The following JARID2 variants were observed in gnomAD, a reference collection of about 807,000 sequenced individuals.
The protein encoded by JARID2 is protein Jumonji.
Under a neutral mutation model 125.6 loss-of-function variants are expected in JARID2, and 21 were observed. The ratio of observed to expected loss-of-function variants is 0.17; its 90% CI spans 0.12 to 0.24. JARID2 has a LOEUF of 0.24. Among genes scored for constraint, JARID2 ranks in the 10% least tolerant of loss-of-function variants. The pLI, the probability that JARID2 is intolerant of heterozygous loss-of-function variation, is 1.00. For missense variants in JARID2, 1,303 were observed against 1,639.6 expected, an observed-to-expected ratio of 0.79 and a Z score of 3.55; for synonymous variants, 736 against 661.6, an observed-to-expected ratio of 1.11 and a Z score of -1.73.
chr6:15,480,039 C>T (rs2127703120), intron 5 of JARID2, among the ~76,000 whole-genome samples: 1 of 152,308 alleles, frequency 6.6e-6, no homozygotes, highest in Non-Finnish European at 1.5e-5. Context: ...GTGTCTTGCC[C>T]AAGGAAGGGA....
At chr6:15,504,376 A>G (rs1199664961) in intron 8 of JARID2, 124 bp from the exon 9 acceptor site, 11 of 694,100 alleles carry the variant, frequency 1.6e-5, no homozygotes, top group Non-Finnish European at 2.3e-5. Context: ...ATTAACTCAG[A>G]ATACAAGGTG....
intron 1 of JARID2, among the ~76,000 whole-genome samples, chr6:15,366,780 AAG>A (rs1365129112): frequency 6.6e-6 from 1 of 151,890 alleles, no homozygotes; most frequent in African/African-American, 2.4e-5. Flanking sequence ...CACCTTCCGT[AAG>A]TGCACCTAGG....
chr6:15,355,595 A>G (rs1210281143), intron 1 of JARID2, among the ~76,000 whole-genome samples: 1 of 148,942 alleles, frequency 6.7e-6, no homozygotes, highest in Non-Finnish European at 1.5e-5. Context: ...TCCTTAGTGC[A>G]TTCCTTCCTT....
At chr6:15,376,729 AATC>A (rs2127520069) in intron 2 of JARID2, among the ~76,000 whole-genome samples, 1 of 152,324 alleles carries the variant, frequency 6.6e-6, no homozygotes, top group South Asian at 2.1e-4. Flanking sequence ...CTCTTTAAAA[AATC>A]ATTATTTTCA....
intron 3 of JARID2, among the ~76,000 whole-genome samples, chr6:15,425,757 TAGA>T (rs1189606730): frequency 6.6e-6 from 1 of 152,228 alleles, no homozygotes. Flanking sequence ...CATTCTGTAA[TAGA>T]AGCCTCAAAT....
intron 4 of JARID2, among the ~76,000 whole-genome samples, chr6:15,456,382 ATAAT>A (rs1174374416): frequency 6.6e-6 from 1 of 152,246 alleles, no homozygotes; most frequent in Non-Finnish European, 1.5e-5. Context: ...AAAGGCTTAA[ATAAT>A]TAAAGCCTAG....
intron 4 of JARID2, among the ~76,000 whole-genome samples, chr6:15,456,563 A>G (rs1281312358): frequency 6.6e-6 from 1 of 152,148 alleles, no homozygotes; most frequent in Non-Finnish European, 1.5e-5. Flanking sequence ...AGGTATTAAA[A>G]ATGAGTCATC....
intron 1 of JARID2, among the ~76,000 whole-genome samples, chr6:15,317,836 C>T (rs1293115722): frequency 6.6e-6 from 1 of 152,146 alleles, no homozygotes; most frequent in Non-Finnish European, 1.5e-5. Context: ...CCGATCCCTC[C>T]AGGGTTTGTT....
Position 15,319,062 on chromosome 6 carries a change from T to G in JARID2, c.46-55055T>G, listed in dbSNP as rs151284668. On this transcript the variant is annotated intron_variant, in intron 1 of 17. Coordinates refer to ENST00000341776, the MANE Select transcript of JARID2 (RefSeq NM_004973.4). The stretch of plus-strand genomic sequence containing the variant: ...GCAGATGAAAAATAAAATTGGGCCT[T>G]TTGTATTTACATAGAAAGTAAGTAG... Among the ~76,000 whole-genome samples the G allele has an allele frequency of 9.6e-4, 147 of 152,334 alleles. 3 individuals are homozygous for G. In the East Asian group the frequency reaches 0.026, roughly 27 times the overall value.
intron 1 of JARID2, among the ~76,000 whole-genome samples, chr6:15,263,373 A>G (rs1296467853): frequency 6.6e-6 from 1 of 150,492 alleles, no homozygotes; most frequent in Non-Finnish European, 1.5e-5. Context: ...CCTAGAAATT[A>G]TCCCTGATTT....
At chr6:15,335,980 A>G (rs919117557) in intron 1 of JARID2, among the ~76,000 whole-genome samples, 2 of 152,170 alleles carry the variant, frequency 1.3e-5, no homozygotes, top group African/African-American at 2.4e-5. Context: ...CAGCTACTCA[A>G]GAGGCTAAGG....
chr6:15,514,393 G>A (rs937494236), intron 16 of JARID2, among the ~76,000 whole-genome samples: 2 of 152,236 alleles, frequency 1.3e-5, no homozygotes, highest in Non-Finnish European at 1.5e-5. Flanking sequence ...CCTAGCTTAG[G>A]AGGTGCCCAC....
chr6:15,284,374 C>T (rs1274329070), intron 1 of JARID2, among the ~76,000 whole-genome samples: 1 of 152,160 alleles, frequency 6.6e-6, no homozygotes, highest in Non-Finnish European at 1.5e-5. Flanking sequence ...TTATGTCCAT[C>T]AGTATTCTGT....
intron 1 of JARID2, among the ~76,000 whole-genome samples, chr6:15,363,990 G>A (rs1465638523): frequency 6.6e-6 from 1 of 152,172 alleles, no homozygotes; most frequent in Non-Finnish European, 1.5e-5. Context: ...TAGACTTTCT[G>A]TTAGTGTGGA....
At chr6:15,485,036 A>T (rs1467963510) in intron 5 of JARID2, among the ~76,000 whole-genome samples, 1 of 152,236 alleles carries the variant, frequency 6.6e-6, no homozygotes, top group East Asian at 1.9e-4. Context: ...AGATACTGCC[A>T]GCTTGGGCAT....
chr6:15,302,232 G>A (rs573113770), intron 1 of JARID2, among the ~76,000 whole-genome samples: 31 of 152,156 alleles, frequency 2.0e-4, no homozygotes, highest in Admixed American at 1.4e-3. Context: ...CCTGGCCAAC[G>A]TGCTGAAACC....
intron 5 of JARID2, among the ~76,000 whole-genome samples, chr6:15,474,973 C>G (rs1382018755): frequency 2.0e-5 from 3 of 152,168 alleles, no homozygotes; most frequent in African/African-American, 7.2e-5. Flanking sequence ...CGGTTGACAC[C>G]AGTCGTTTAC....
chr6:15,285,963 A>G (rs1339262870), intron 1 of JARID2, among the ~76,000 whole-genome samples: 2 of 152,240 alleles, frequency 1.3e-5, no homozygotes, highest in Admixed American at 1.3e-4. Context: ...TTTCTGATGT[A>G]TAACTATGAG....
At chr6:15,387,082 C>T (rs1764814958) in intron 2 of JARID2, among the ~76,000 whole-genome samples, 1 of 152,156 alleles carries the variant, frequency 6.6e-6, no homozygotes, top group Non-Finnish European at 1.5e-5. Context: ...ATTAAAAATT[C>T]TGGAGCTAGG....
Sources: gnomAD v4.1 joint callset for allele counts (sites outside exome capture counted in the v4.1 genomes callset) on GRCh38, gnomAD v4.1.1 for gene constraint, MANE v1.5 for transcripts, NCBI Gene and HGNC (gene_info 2026-07-23, HGNC 2026-07-21) for gene names.